Variants in SARNP observed in about 807,000 individuals in gnomAD.
SARNP encodes the protein SAP domain containing ribonucleoprotein, also known as SAP domain-containing ribonucleoprotein.
SARNP carries 5 observed loss-of-function variants against 38.1 expected under a neutral mutation model. The observed-to-expected ratio is 0.13, with a 90% CI of 0.07 to 0.28. The LOEUF (loss-of-function observed/expected upper bound fraction) is 0.28, where lower values mean the gene tolerates loss of function less well. Ranked by LOEUF, SARNP falls within the 10% of genes least tolerant of loss-of-function variation. The pLI is 1.00. For missense variants in SARNP, 180 were observed against 243.9 expected (o/e 0.74, Z 1.75); for synonymous variants, 84 against 80.6 (o/e 1.04, Z -0.23).
chr12:55,772,657 T>A lies in SARNP; in HGVS notation c.502-12017A>T, dbSNP rs189608091. Among the ~76,000 whole-genome samples, 60 of 150,852 alleles carry A rather than the reference T, an allele frequency of 4.0e-4. 1 individual carries two copies. The highest frequency in any genetic ancestry group is 6.9e-4 in the Non-Finnish European group (47 of 67,858). ...GCCAAGGAGCTGCTGCTTTTGAGGA[T>A]AAGTGATGCAGAGCCTGGCAGAAAT... is the stretch of plus-strand genomic sequence containing the variant. On this transcript the variant is annotated intron_variant, in intron 9 of 10. Transcript: ENST00000336133.
chr12:55,764,350 G>A (rs1878761828), intron 9 of SARNP, among the ~76,000 whole-genome samples: 1 of 152,016 alleles, frequency 6.6e-6, no homozygotes. Context: ...TGACCAACAT[G>A]GAGAAACCCC....
At chr12:55,806,267 T>C (rs1456468741) in intron 1 of SARNP, among the ~76,000 whole-genome samples, 1 of 149,080 alleles carries the variant, frequency 6.7e-6, no homozygotes, top group Non-Finnish European at 1.5e-5. Context: ...AAGACTAAAT[T>C]AAAAAAAATT....
At chr12:55,794,675 C>T (rs1879768966) in intron 6 of SARNP, 132 bp downstream of exon 6, 3 of 663,402 alleles carry the variant, frequency 4.5e-6, no homozygotes, top group Non-Finnish European at 7.9e-6. Flanking sequence ...TGAATAGGGT[C>T]AAAAAAGTGT....
At position 55,800,641 on chromosome 12, in the gene SARNP, T is replaced by C. The variant is rs767619911; in HGVS notation, c.184-12A>G. ...TTTGTTTCTTCTTCCTAAAACCAAA[T>C]GAAACAAGGTGGTTAACATAAATCT... On this transcript the variant is annotated splice_polypyrimidine_tract_variant and intron_variant, in intron 3 of 10. Transcript: ENST00000336133. The C allele has an allele frequency of 1.8e-5, 28 of 1,594,476 alleles. No homozygotes were observed. Among genetic ancestry groups the C allele is most frequent in the Non-Finnish European group, 2.2e-5 (26 of 1,167,072 alleles).
At chr12:55,774,580 A>T (rs1592561725) in intron 9 of SARNP, among the ~76,000 whole-genome samples, 4 of 8,074 alleles carry the variant, frequency 5.0e-4, no homozygotes, top group South Asian at 0.016. Flanking sequence ...AAAAACAAAC[A>T]AAAAAAAAAA....
intron 9 of SARNP, among the ~76,000 whole-genome samples, chr12:55,775,560 A>C (rs1198543706): frequency 6.6e-6 from 1 of 151,572 alleles, no homozygotes; most frequent in East Asian, 1.9e-4. Context: ...AAAAACAAAA[A>C]AAAAAAACTA....
intron 1 of SARNP, among the ~76,000 whole-genome samples, chr12:55,804,582 A>T (rs764178304): frequency 6.6e-6 from 1 of 152,182 alleles, no homozygotes; most frequent in Non-Finnish European, 1.5e-5. Flanking sequence ...AAGGATAAAG[A>T]CATCAGAATT....
intron 9 of SARNP, among the ~76,000 whole-genome samples, chr12:55,787,745 CTTTCT>C (rs1220726849): frequency 1.7e-4 from 25 of 146,286 alleles, no homozygotes; most frequent in African/African-American, 6.1e-4. Context: ...TTTTTTCTTT[CTTTCT>C]TTTTTTTTTT....
intron 1 of SARNP, among the ~76,000 whole-genome samples, chr12:55,816,765 T>C (rs1295909302): frequency 1.3e-5 from 2 of 152,214 alleles, no homozygotes; most frequent in Non-Finnish European, 2.9e-5. Flanking sequence ...AAAATGTTCT[T>C]CTTTTTAATA....
intron 9 of SARNP, chr12:55,762,572 TCAAA>T (rs934824467): frequency 2.6e-5 from 4 of 152,170 alleles, no homozygotes; most frequent in Non-Finnish European, 5.9e-5. Context: ...GCGCCTGGCC[TCAAA>T]CAAACTTTTA....
chr12:55,770,717 C>T (rs1878983306), intron 9 of SARNP, among the ~76,000 whole-genome samples: 1 of 152,080 alleles, frequency 6.6e-6, no homozygotes, highest in Non-Finnish European at 1.5e-5. Flanking sequence ...TATGTCTACC[C>T]AAAATGGAGT....
intron 9 of SARNP, among the ~76,000 whole-genome samples, chr12:55,781,541 A>C (rs1879341264): frequency 6.6e-6 from 1 of 151,856 alleles, no homozygotes. Context: ...CTCAAAAAAA[A>C]AAAAAAACAA....
chr12:55,795,567 T>C (rs1879796456), intron 5 of SARNP, among the ~76,000 whole-genome samples: 1 of 152,186 alleles, frequency 6.6e-6, no homozygotes, highest in Non-Finnish European at 1.5e-5. Context: ...AGCATTGTTT[T>C]ATGCCATTCT....
At chr12:55,775,562 A>C (rs1879158110) in intron 9 of SARNP, among the ~76,000 whole-genome samples, 1 of 151,640 alleles carries the variant, frequency 6.6e-6, no homozygotes, top group Non-Finnish European at 1.5e-5. Flanking sequence ...AAACAAAAAA[A>C]AAAAACTATG....
intron 9 of SARNP, among the ~76,000 whole-genome samples, chr12:55,778,794 ACT>A (rs1251836288): frequency 3.3e-5 from 5 of 152,202 alleles, no homozygotes; most frequent in East Asian, 3.9e-4. Context: ...ACATGGTGAA[ACT>A]CTGTCTCTAC....
intron 9 of SARNP, among the ~76,000 whole-genome samples, chr12:55,764,737 C>T (rs1279010376): frequency 6.8e-6 from 1 of 146,536 alleles, no homozygotes; most frequent in Non-Finnish European, 1.5e-5. Flanking sequence ...GAAGCTGAGG[C>T]AGGAGAATCA....
intron 9 of SARNP, among the ~76,000 whole-genome samples, chr12:55,764,832 C>CAGAAAA (rs1878781360): frequency 1.6e-5 from 1 of 62,052 alleles, no homozygotes; most frequent in African/African-American, 4.6e-5. Flanking sequence ...CTCTGTCTCA[C>CAGAAAA]AAAAAAAAAA....
At chr12:55,796,501 C>T (rs893299873) in intron 4 of SARNP, among the ~76,000 whole-genome samples, 18 of 152,176 alleles carry the variant, frequency 1.2e-4, no homozygotes, top group African/African-American at 3.6e-4. Flanking sequence ...CTCCTGGGTT[C>T]AAGAGATTCT....
At chr12:55,772,826 T>C (rs2136184414) in intron 9 of SARNP, among the ~76,000 whole-genome samples, 1 of 151,416 alleles carries the variant, frequency 6.6e-6, no homozygotes, top group Admixed American at 6.6e-5. Context: ...GTGATTCTCC[T>C]GCCTCAGCCT....
Sources: gnomAD v4.1 joint callset for allele counts (sites outside exome capture counted in the v4.1 genomes callset) on GRCh38, gnomAD v4.1.1 for gene constraint, MANE v1.5 for transcripts, NCBI Gene and HGNC (gene_info 2026-07-23, HGNC 2026-07-21) for gene names.